Variants in PDZRN3 observed in about 807,000 individuals in gnomAD.
PDZRN3 encodes the protein E3 ubiquitin-protein ligase PDZRN3.
A neutral mutation model predicts 85.7 loss-of-function variants in PDZRN3; 38 were observed. That is an observed-to-expected ratio of 0.44 (90% CI 0.34 to 0.58). PDZRN3 has a LOEUF of 0.58. Among genes scored for constraint, PDZRN3 ranks in the 20% least tolerant of loss-of-function variants. PDZRN3 has a pLI of 0.01. For missense variants in PDZRN3, 1,629 were observed against 1,506.4 expected (o/e 1.08, Z -1.35); for synonymous variants, 759 against 638.0 (o/e 1.19, Z -2.86).
intron 3 of PDZRN3, among the ~76,000 whole-genome samples, chr3:73,598,859 C>T (rs1392224851): frequency 1.3e-5 from 2 of 152,198 alleles, no homozygotes; most frequent in African/African-American, 4.8e-5. Context: ...CAAACCTCTA[C>T]CTCAGTGATT....
intron 3 of PDZRN3, among the ~76,000 whole-genome samples, chr3:73,469,447 T>C (rs1209675057): frequency 6.6e-6 from 1 of 152,200 alleles, no homozygotes; most frequent in Non-Finnish European, 1.5e-5. Flanking sequence ...TGGCGTCAGG[T>C]GACTTTGGAG....
chr3:73,574,731 A>C (rs1702098374), intron 3 of PDZRN3, among the ~76,000 whole-genome samples: 1 of 152,238 alleles, frequency 6.6e-6, no homozygotes, highest in Middle Eastern at 3.2e-3. Flanking sequence ...AGGGGGAACA[A>C]GCACTTTTAA....
chr3:73,442,211 G>C (rs1702651771), intron 3 of PDZRN3, among the ~76,000 whole-genome samples: 1 of 152,178 alleles, frequency 6.6e-6, no homozygotes, highest in Non-Finnish European at 1.5e-5. Flanking sequence ...TTTGAGGCCT[G>C]GAGTCCAGGC....
intron 3 of PDZRN3, among the ~76,000 whole-genome samples, chr3:73,568,475 T>G (rs1453123595): frequency 6.6e-6 from 1 of 152,200 alleles, no homozygotes; most frequent in Non-Finnish European, 1.5e-5. Flanking sequence ...TACCTGGAGA[T>G]CCAAAGGGCT....
At chr3:73,549,404 C>T (rs1701500883) in intron 3 of PDZRN3, among the ~76,000 whole-genome samples, 1 of 152,176 alleles carries the variant, frequency 6.6e-6, no homozygotes, top group South Asian at 2.1e-4. Flanking sequence ...GCCCTGTCTG[C>T]TGCAGGCTTA....
intron 3 of PDZRN3, among the ~76,000 whole-genome samples, chr3:73,474,021 G>A (rs757470977): frequency 1.3e-5 from 2 of 152,176 alleles, no homozygotes; most frequent in African/African-American, 2.4e-5. Flanking sequence ...TCTACTAAGC[G>A]GTAGAGCCTG....
At chr3:73,560,869 C>A (rs748103317) in intron 3 of PDZRN3, among the ~76,000 whole-genome samples, 1 of 152,164 alleles carries the variant, frequency 6.6e-6, no homozygotes, top group Non-Finnish European at 1.5e-5. Flanking sequence ...CAATGAGTCA[C>A]GGCTCGTGCA....
intron 3 of PDZRN3, among the ~76,000 whole-genome samples, chr3:73,431,057 T>C (rs982440931): frequency 2.6e-5 from 4 of 152,298 alleles, no homozygotes; most frequent in Admixed American, 2.6e-4. Flanking sequence ...AGAACTGCTA[T>C]ACTTGTCTGA....
chr3:73,392,537 G>A (rs750928968), intron 5 of PDZRN3, among the ~76,000 whole-genome samples: 33 of 152,248 alleles, frequency 2.2e-4, no homozygotes, highest in Non-Finnish European at 2.6e-4. Context: ...CTGCCATCCT[G>A]CCTCCCAGAG....
chr3:73,624,441 G>T lies in PDZRN3; in HGVS notation c.385C>A (p.His129Asn). The T allele has an allele frequency of 7.5e-7, 1 of 1,334,970 alleles. No homozygotes were observed. Among genetic ancestry groups the T allele is most frequent in the Non-Finnish European group, 9.5e-7 (1 of 1,049,788 alleles). The allele number at this position is 1,334,970 out of a possible 1,614,324, so 82.7% of individuals were successfully genotyped here. A position where few individuals can be genotyped will look rare whatever the true frequency, so the allele number is the denominator to read the frequency against. ...QVLLRRDVEA[H>N]MRDACDARPV... is the part of the protein sequence containing the mutation. ...CGCGCGTCGCAGGCGTCGCGCATGTGCGCCTCCACGTCGCGCCGCAGCAGC... is the reference window on the plus strand; with the variant it reads ...CGCGCGTCGCAGGCGTCGCGCATGTTCGCCTCCACGTCGCGCCGCAGCAGC... The change falls in exon 1 of 10, where the codon CAC (histidine) becomes AAC (asparagine). Residue 129 changes from histidine (H) to asparagine (N), a missense_variant. Transcript: ENST00000263666.
chr3:73,569,450 C>A (rs1702010725), intron 3 of PDZRN3: 1 of 1,127,804 alleles, frequency 8.9e-7, no homozygotes, highest in South Asian at 2.0e-5. Context: ...TCTTAAGCCC[C>A]GAGGCGTCTA....
intron 1 of PDZRN3, among the ~76,000 whole-genome samples, chr3:73,617,698 T>C (rs1702785043): frequency 6.6e-6 from 1 of 152,118 alleles, no homozygotes; most frequent in Admixed American, 6.5e-5. Context: ...ATCTCTTTTT[T>C]GTCTAAATCT....
intron 3 of PDZRN3, among the ~76,000 whole-genome samples, chr3:73,490,883 G>A (rs1429638202): frequency 6.6e-6 from 1 of 152,152 alleles, no homozygotes; most frequent in Non-Finnish European, 1.5e-5. Flanking sequence ...AGTGTCCAAG[G>A]ACTCCCTGGC....
intron 3 of PDZRN3, among the ~76,000 whole-genome samples, chr3:73,458,509 T>G (rs755763527): frequency 1.8e-4 from 27 of 149,868 alleles, no homozygotes; most frequent in Non-Finnish European, 3.2e-4. Flanking sequence ...TTATGCTTAT[T>G]TGAAGTTTTC....
chr3:73,524,270 C>T (rs2106737037), intron 3 of PDZRN3, among the ~76,000 whole-genome samples: 1 of 152,242 alleles, frequency 6.6e-6, no homozygotes, highest in East Asian at 1.9e-4. Context: ...AAAGTTGAGG[C>T]TTAATTTATG....
chr3:73,558,053 A>C (rs1365711719), intron 3 of PDZRN3, among the ~76,000 whole-genome samples: 1 of 152,118 alleles, frequency 6.6e-6, no homozygotes, highest in African/African-American at 2.4e-5. Flanking sequence ...TTACATTTAA[A>C]AAGTTTATAT....
intron 3 of PDZRN3, among the ~76,000 whole-genome samples, chr3:73,594,731 T>C (rs1044703839): frequency 5.9e-5 from 9 of 152,162 alleles, no homozygotes; most frequent in African/African-American, 2.2e-4. Flanking sequence ...CTTCTGTTGC[T>C]GTAGTAAAGA....
intron 3 of PDZRN3, among the ~76,000 whole-genome samples, chr3:73,499,708 T>C (rs554141439): frequency 1.3e-5 from 2 of 152,196 alleles, no homozygotes; most frequent in South Asian, 4.1e-4. Flanking sequence ...TTGGGTCTTC[T>C]GTTAGATTAC....
chr3:73,386,290 C>T (rs539765340), intron 8 of PDZRN3, among the ~76,000 whole-genome samples: 3 of 127,518 alleles, frequency 2.4e-5, no homozygotes, highest in Non-Finnish European at 3.1e-5. Flanking sequence ...TGCAGTGGCA[C>T]GATCTAGGTT....
Sources: gnomAD v4.1 joint callset for allele counts (sites outside exome capture counted in the v4.1 genomes callset) on GRCh38, gnomAD v4.1.1 for gene constraint, MANE v1.5 for transcripts, NCBI Gene and HGNC (gene_info 2026-07-23, HGNC 2026-07-21) for gene names.